RSPH6A: variants seen among roughly 807,000 people sequenced by gnomAD.
RSPH6A encodes radial spoke head protein 6 homolog A.
RSPH6A carries 49 observed loss-of-function variants against 66.1 expected under a neutral mutation model. That is an observed-to-expected ratio of 0.74 (90% confidence interval 0.59 to 0.94). RSPH6A has a LOEUF of 0.94. Among genes scored for constraint, RSPH6A ranks in the 40% least tolerant of loss-of-function variants. The pLI, the probability that RSPH6A is intolerant of heterozygous loss-of-function variation, is 0.00. For missense variants in RSPH6A, 977 were observed against 948.3 expected, an observed-to-expected ratio of 1.03 and a Z score of -0.40; for synonymous variants, 419 against 402.4, an observed-to-expected ratio of 1.04 and a Z score of -0.49.
chr19:45,804,359 C>T lies in RSPH6A; in HGVS notation c.1546G>A (p.Gly516Arg), dbSNP rs768892885. ...EGDEEEEGGA[G>R]RDSYEENPDF... ...GGGTTCTCCTCGTAGGAGTCGCGCC[C>T]AGCACCACCTTCCTCCTCCTCGTCG... The change falls in exon 3 of 6, where the codon GGG becomes AGG. Residue 516 changes from glycine to arginine, a missense_variant. Gly to Arg is a moderately radical substitution (Grantham distance 125, BLOSUM62 -2). Transcript: ENST00000221538. This position sits in a 1 kb window ranked among gnomAD's most constrained non-coding sequence, Gnocchi z 5.8. 3.7e-6 allele frequency: 6 copies of T among 1,614,088 alleles called. No individual in the cohort carries two copies. In the African/African-American group the frequency reaches 4.0e-5, roughly 11 times the overall value.
At position 45,814,896 on chromosome 19, in the gene RSPH6A, A is replaced by C; in HGVS notation, c.281T>G (p.Phe94Cys). 1 of 1,614,086 alleles carries C rather than the reference A, an allele frequency of 6.2e-7. No individual in the cohort carries two copies. Among genetic ancestry groups the C allele is most frequent in the Non-Finnish European group, 8.5e-7 (1 of 1,180,012 alleles). Residue 94 changes from phenylalanine (F) to cysteine (C), a missense_variant, in exon 1 of 6, where the codon TTT (phenylalanine) becomes TGT (cysteine). Coordinates refer to ENST00000221538, the MANE Select transcript of RSPH6A (RefSeq NM_030785.4). Reference protein sequence around the residue: ...GMEYPSVNTGFPSEFQPQPYS... With the variant: ...GMEYPSVNTGCPSEFQPQPYS... Reference sequence around the variant, plus strand: ...AGGCTGAGGCTGGAACTCTGAGGGAAAGCCCGTGTTCACAGATGGGTACTC... The same window carrying C: ...AGGCTGAGGCTGGAACTCTGAGGGACAGCCCGTGTTCACAGATGGGTACTC...
At position 45,814,805 on chromosome 19, in the gene RSPH6A, C is replaced by T. The variant is rs1012725676; in HGVS notation, c.372G>A (p.Gln124=). 2 of 1,613,854 alleles carry T rather than the reference C, an allele frequency of 1.2e-6. No individual in the cohort carries two copies. The highest frequency in any genetic ancestry group is 1.7e-6 in the Non-Finnish European group (2 of 1,179,854). Residue 124 remains glutamine (Q), a synonymous_variant, in exon 1 of 6, where the codon CAG becomes CAA. Coordinates refer to ENST00000221538, the MANE Select transcript of RSPH6A (RefSeq NM_030785.4). The stretch of plus-strand genomic sequence containing the variant: ...GCTGGAACAGGCTGCTTTGGCCCTG[C>T]TGGAGCCGCTGCAGCATTAGGCTGG... The part of the protein sequence containing the change: ...LTTSLMLQRL[Q]QGQSSLFQQL...
At chr19:45,803,693 G>GAAAAAAA (rs372215678) in intron 3 of RSPH6A, among the ~76,000 whole-genome samples, 2 of 136,048 alleles carry the variant, frequency 1.5e-5, no homozygotes, top group Non-Finnish European at 1.6e-5. Flanking sequence ...GAAAAGAAAA[G>GAAAAAAA]AAAAAAAAAA....
intron 5 of RSPH6A, among the ~76,000 whole-genome samples, chr19:45,799,041 C>A (rs529262429): frequency 1.3e-5 from 2 of 152,068 alleles, no homozygotes; most frequent in Non-Finnish European, 2.9e-5. Context: ...CAAAAGCAAA[C>A]GTGCCTCTTC....
At chr19:45,814,380 G>T in intron 1 of RSPH6A, 147 bp downstream of exon 1, 1 of 628,782 alleles carries the variant, frequency 1.6e-6, no homozygotes, top group Non-Finnish European at 2.5e-6. Flanking sequence ...GCTAGCTGTT[G>T]TTGGCATTGA....
chr19:45,815,136 T>C lies in RSPH6A; in HGVS notation c.41A>G (p.Gln14Arg), dbSNP rs771794563. 4 of 1,610,954 alleles carry C rather than the reference T, an allele frequency of 2.5e-6. No homozygotes were observed. Among genetic ancestry groups the C allele is most frequent in the Non-Finnish European group, 3.4e-6 (4 of 1,179,820 alleles). The change falls in exon 1 of 6, where the codon CAG becomes CGG. Residue 14 changes from glutamine (Q) to arginine (R), a missense_variant. Transcript: ENST00000221538. ...CTGAGAAGTCCTCCGGCCCGGAGGC[T>C]GCTGGGCAGGGCGCTCAGGGTAGGG... ...LPPYPERPAQ[Q>R]PPGRRTSQAS...
intron 2 of RSPH6A, among the ~76,000 whole-genome samples, chr19:45,807,571 C>G (rs1260502260): frequency 1.3e-5 from 2 of 151,976 alleles, no homozygotes; most frequent in Non-Finnish European, 2.9e-5. Context: ...AGTGCAGTGG[C>G]ACAATCTCGG....
intron 2 of RSPH6A, among the ~76,000 whole-genome samples, chr19:45,805,945 A>T (rs1548029): frequency 2.6e-5 from 4 of 152,026 alleles, no homozygotes; most frequent in South Asian, 2.1e-4. Flanking sequence ...AACACATGGG[A>T]GACAAAGTAC....
At position 45,810,762 on chromosome 19, in the gene RSPH6A, CAG is replaced by C. The variant is rs758243676; in HGVS notation, c.727_728del (p.Leu243GlufsTer44). On this transcript the variant is annotated frameshift_variant, in exon 2 of 6. Coordinates refer to ENST00000221538, the MANE Select transcript of RSPH6A (RefSeq NM_030785.4). LOFTEE classifies it high-confidence loss of function. ...PEDPLSVLESLNRTTQWEWFH... is the reference protein window; with the variant it reads ...PEDPLSVLESXNRTTQWEWFH... ...ACCACTCCCACTGCGTGGTGCGGTT[CAG>C]AGACTCCAGGACAGACAAGGGGTCC... 4 of 1,614,156 alleles carry C rather than the reference CAG, an allele frequency of 2.5e-6. No individual in the cohort carries two copies. The highest frequency in any genetic ancestry group is 4.5e-5 in the East Asian group (2 of 44,872).
intron 5 of RSPH6A, among the ~76,000 whole-genome samples, chr19:45,798,891 G>A (rs1423746995): frequency 6.6e-6 from 1 of 151,158 alleles, no homozygotes; most frequent in African/African-American, 2.4e-5. Flanking sequence ...ACAATGGGTG[G>A]ACACAGATTG....
chr19:45,808,680 T>C (rs1264156036), intron 2 of RSPH6A, among the ~76,000 whole-genome samples: 3 of 79,598 alleles, frequency 3.8e-5, no homozygotes, highest in Admixed American at 2.9e-4. Flanking sequence ...TTTTTTTTTT[T>C]AGACAGACTC....
At position 45,814,539 on chromosome 19, in the gene RSPH6A, C is replaced by T. The variant is rs142562775; in HGVS notation, c.638G>A (p.Cys213Tyr). Residue 213 changes from cysteine to tyrosine, a missense_variant, in exon 1 of 6, where the codon TGC (cysteine) becomes TAC (tyrosine). Physicochemically the swap from Cys to Tyr is radical, Grantham distance 194. Coordinates refer to ENST00000221538, the MANE Select transcript of RSPH6A (RefSeq NM_030785.4). ...AGCCCCTGCTCACAGGCTGAGGTCG[C>T]AATTGATGCTGGTCTGCAGCAGGTA... ...KAYLLQTSIN[C>Y]DLSLYEHLVN... The T allele has an allele frequency of 4.6e-5, 69 of 1,509,560 alleles. No individual in the cohort carries two copies. In the African/African-American group the frequency reaches 8.9e-4, roughly 20 times the overall value. 93.5% of individuals were successfully genotyped at this position (1,509,560 alleles called of 1,614,324 possible). A position where few individuals can be genotyped will look rare whatever the true frequency, so the allele number is the denominator to read the frequency against.
At position 45,796,116 on chromosome 19, in the gene RSPH6A, C is replaced by T; in HGVS notation, c.1917-10G>A. ...GATGTTCTCAAACTTTCTGGAGAAG[C>T]AGTGAGACACTGTGAAATTCTCCCT... On this transcript the variant is annotated splice_polypyrimidine_tract_variant and intron_variant, in intron 5 of 5. Transcript: ENST00000221538. 6.6e-7 allele frequency: 1 copy of T among 1,518,708 alleles called. No homozygotes were observed. Among genetic ancestry groups the T allele is most frequent in the Non-Finnish European group, 8.9e-7 (1 of 1,128,872 alleles). The allele number at this position is 1,518,708 out of a possible 1,614,324, so 94.1% of individuals were successfully genotyped here.
At chr19:45,813,507 A>G (rs543606970) in intron 1 of RSPH6A, among the ~76,000 whole-genome samples, 2 of 151,832 alleles carry the variant, frequency 1.3e-5, no homozygotes, top group South Asian at 2.1e-4. Context: ...CCATGCCCTG[A>G]TAATTTTTGT....
intron 1 of RSPH6A, among the ~76,000 whole-genome samples, chr19:45,812,087 T>A (rs1970637589): frequency 2.0e-5 from 2 of 98,722 alleles, no homozygotes; most frequent in Non-Finnish European, 3.9e-5. Flanking sequence ...GGCCAACATT[T>A]GTATTTTTTG....
intron 5 of RSPH6A, 31 bp from the exon 6 acceptor site, chr19:45,796,137 T>A: frequency 7.2e-7 from 1 of 1,390,514 alleles, no homozygotes; most frequent in Non-Finnish European, 9.7e-7. Flanking sequence ...TGTGAAATTC[T>A]CCCTCAAAGG....
In RSPH6A at chr19:45,799,262, G is replaced by A. The variant is rs184055801; in HGVS notation, c.1916+1184C>T. On this transcript the variant is annotated intron_variant, in intron 5 of 5. Coordinates refer to ENST00000221538, the MANE Select transcript of RSPH6A (RefSeq NM_030785.4). ...CCTCCAGCGGCAAACCCCCTGTCAC[G>A]CAGCAGGGCAGAGGGCTGCCAGGTG... Among the ~76,000 whole-genome samples the A allele has an allele frequency of 6.7e-3, 916 of 136,846 alleles. 6 individuals are homozygous for A. Among genetic ancestry groups the A allele is most frequent in the Non-Finnish European group, 0.012 (710 of 59,952 alleles). The allele number at this position is 136,846 out of a possible 152,430, so 89.8% of individuals were successfully genotyped here. A position where few individuals can be genotyped will look rare whatever the true frequency, so the allele number is the denominator to read the frequency against.
intron 1 of RSPH6A, among the ~76,000 whole-genome samples, chr19:45,811,751 ATTATT>A (rs200163257): frequency 0.067 from 5,592 of 83,520 alleles, 282 homozygotes; most frequent in East Asian, 0.35. Flanking sequence ...TTGTATTATT[ATTATT>A]ATTATTATTA....
rs1157849614 is a variant in RSPH6A at position 45,800,351 on chromosome 19, C to G, written c.1916+95G>C. On this transcript the variant is annotated intron_variant, in intron 5 of 5. Transcript: ENST00000221538. ...TGGGGCTTCCTGAAGGGGGCCCTCC[C>G]CATCTCTGCCCACCCTGGCGAGTTG... 3 of 1,073,682 alleles carry G rather than the reference C, an allele frequency of 2.8e-6. No individual in the cohort carries two copies. In the East Asian group the frequency reaches 7.2e-5, roughly 26 times the overall value. 66.5% of individuals were successfully genotyped at this position (1,073,682 alleles called of 1,614,324 possible).
Sources: allele counts gnomAD v4.1 joint callset (sites outside exome capture counted in the v4.1 genomes callset), GRCh38; gene constraint gnomAD v4.1.1; non-coding constraint Gnocchi (gnomAD v3.1); transcripts MANE v1.5; gene names NCBI Gene and HGNC (gene_info 2026-07-23, HGNC 2026-07-21).